Variants in TSGA10 observed in about 807,000 individuals in gnomAD.
TSGA10 encodes testis specific 10.
A neutral mutation model predicts 96.6 loss-of-function variants in TSGA10; 43 were observed. That is an observed-to-expected ratio of 0.44 (90% confidence interval 0.35 to 0.57). The LOEUF (loss-of-function observed/expected upper bound fraction) is 0.57, where lower values mean the gene tolerates loss of function less well. Among genes scored for constraint, TSGA10 ranks in the 20% least tolerant of loss-of-function variants. The pLI is 0.01. For synonymous variants in TSGA10, 229 were observed against 269.9 expected, an observed-to-expected ratio of 0.85 and a Z score of 1.48; for missense variants, 703 against 834.4, an observed-to-expected ratio of 0.84 and a Z score of 1.94.
intron 10 of TSGA10, among the ~76,000 whole-genome samples, chr2:99,082,793 A>G (rs1269897192): frequency 6.6e-6 from 1 of 152,220 alleles, no homozygotes; most frequent in Non-Finnish European, 1.5e-5. Flanking sequence ...AGCACTATCA[A>G]ATAGAAACTT....
At chr2:99,018,472 C>T in intron 19 of TSGA10, 64 bp downstream of exon 19, 2 of 1,577,980 alleles carry the variant, frequency 1.3e-6, no homozygotes, top group Admixed American at 1.8e-5. Context: ...CTCTTGTTAC[C>T]TAAGAAACAA....
chr2:99,132,932 A>C (rs1303161460), intron 1 of TSGA10, among the ~76,000 whole-genome samples: 1 of 152,150 alleles, frequency 6.6e-6, no homozygotes, highest in Non-Finnish European at 1.5e-5. Context: ...CCTGAGTTCT[A>C]ATTTGATTGC....
At position 99,127,154 on chromosome 2, in the gene TSGA10, A is replaced by C; in HGVS notation, c.-598T>G. 7.8e-7 allele frequency: 1 copy of C among 1,288,042 alleles called. No individual in the cohort carries two copies. The highest frequency in any genetic ancestry group is 1.0e-6 in the Non-Finnish European group (1 of 988,360). The allele number at this position is 1,288,042 out of a possible 1,614,324, so 79.8% of individuals were successfully genotyped here. A position where few individuals can be genotyped will look rare whatever the true frequency, so the allele number is the denominator to read the frequency against. On this transcript the variant is annotated 5_prime_UTR_variant, in exon 2 of 21. Transcript: ENST00000393483. ...TTCAGAAACTGGAGCCCCTAGACCA[A>C]AATCATATTCTTTGGTGGTAACCTA...
chr2:99,105,835 AAAT>A (rs2091286656), intron 7 of TSGA10, 138 bp from the exon 8 acceptor site: 1 of 513,106 alleles, frequency 1.9e-6, no homozygotes, highest in Admixed American at 3.4e-5. Context: ...TTTTATTTTA[AAAT>A]AAGCTTATAC....
chr2:99,111,823 G>A (rs1197053420), intron 4 of TSGA10, among the ~76,000 whole-genome samples: 2 of 151,994 alleles, frequency 1.3e-5, no homozygotes, highest in Admixed American at 1.3e-4. Context: ...AAAGATACAG[G>A]TCTACTCTGA....
intron 1 of TSGA10, among the ~76,000 whole-genome samples, chr2:99,153,954 C>T (rs2093721282): frequency 6.6e-6 from 1 of 152,214 alleles, no homozygotes; most frequent in South Asian, 2.1e-4. Context: ...AAGGTGACCA[C>T]AAATTCTTTG....
chr2:99,059,614 G>A (rs1428453692), intron 16 of TSGA10, among the ~76,000 whole-genome samples: 3 of 151,992 alleles, frequency 2.0e-5, no homozygotes, highest in South Asian at 4.2e-4. Context: ...ACACCAGCCT[G>A]GGCGACAGAG....
intron 20 of TSGA10, among the ~76,000 whole-genome samples, chr2:99,000,755 C>T (rs946908121): frequency 5.9e-5 from 9 of 151,844 alleles, no homozygotes; most frequent in Non-Finnish European, 2.9e-5. Flanking sequence ...TCCTAGTGCT[C>T]GGGACACTCC....
chr2:99,137,971 T>A (rs28526130), intron 1 of TSGA10, among the ~76,000 whole-genome samples: 1,847 of 151,746 alleles, frequency 0.012, 40 homozygotes, highest in African/African-American at 0.043. Flanking sequence ...TTCTAACATA[T>A]GAGGACAGAG....
intron 10 of TSGA10, among the ~76,000 whole-genome samples, chr2:99,094,276 C>A (rs1017726928): frequency 1.3e-5 from 2 of 152,070 alleles, no homozygotes; most frequent in African/African-American, 4.8e-5. Context: ...GCACTTAAAT[C>A]TAAGACCTGA....
chr2:99,141,536 C>T (rs1028575494), intron 1 of TSGA10: 2 of 132,236 alleles, frequency 1.5e-5, no homozygotes, highest in African/African-American at 5.1e-5. Context: ...AGGAGGGACC[C>T]CTTCCTGGCC....
chr2:99,133,529 C>T (rs375449761), intron 1 of TSGA10, among the ~76,000 whole-genome samples: 2 of 152,160 alleles, frequency 1.3e-5, no homozygotes, highest in Admixed American at 6.5e-5. Flanking sequence ...TGGGTCTTGA[C>T]TCTTTATCCA....
intron 20 of TSGA10, among the ~76,000 whole-genome samples, chr2:99,017,700 G>A (rs907968249): frequency 1.3e-5 from 2 of 150,808 alleles, no homozygotes; most frequent in South Asian, 4.2e-4. Context: ...GGGAGGCGGA[G>A]CTTGCAGTGA....
intron 16 of TSGA10, among the ~76,000 whole-genome samples, chr2:99,062,864 T>C (rs953606136): frequency 3.9e-5 from 6 of 152,164 alleles, no homozygotes; most frequent in Non-Finnish European, 8.8e-5. Flanking sequence ...CCCAAAAAAA[T>C]AGAAATTTCC....
At chr2:99,047,254 G>C (rs1469657381) in intron 16 of TSGA10, among the ~76,000 whole-genome samples, 1 of 152,066 alleles carries the variant, frequency 6.6e-6, no homozygotes, top group Admixed American at 6.5e-5. Context: ...ACCAAAGACT[G>C]GCAGAGATAC....
intron 16 of TSGA10, among the ~76,000 whole-genome samples, chr2:99,035,829 C>T (rs1573688165): frequency 1.3e-5 from 2 of 152,152 alleles, no homozygotes; most frequent in South Asian, 4.1e-4. Context: ...AACAAAAATG[C>T]TAGCCACTGT....
At chr2:99,113,773 C>G (rs1422546713) in intron 4 of TSGA10, among the ~76,000 whole-genome samples, 1 of 152,044 alleles carries the variant, frequency 6.6e-6, no homozygotes, top group Non-Finnish European at 1.5e-5. Flanking sequence ...TCTTGAACTC[C>G]TGACCTGAAG....
intron 1 of TSGA10, among the ~76,000 whole-genome samples, chr2:99,149,823 G>A (rs1199356229): frequency 8.3e-6 from 1 of 119,908 alleles, no homozygotes; most frequent in Non-Finnish European, 1.6e-5. Flanking sequence ...ACAGAGTCTC[G>A]CTCTTGTCGC....
intron 10 of TSGA10, among the ~76,000 whole-genome samples, chr2:99,085,632 A>AAAAAAAAAAAAAAAAAAAT (rs2088210613): frequency 6.7e-6 from 1 of 150,162 alleles, no homozygotes; most frequent in Non-Finnish European, 1.5e-5. Context: ...AAAAAAAAAA[A>AAAAAAAAAAAAAAAAAAAT]AAGTTGTTTT....
Sources: gnomAD v4.1 joint callset for allele counts (sites outside exome capture counted in the v4.1 genomes callset) on GRCh38, gnomAD v4.1.1 for gene constraint, MANE v1.5 for transcripts, NCBI Gene and HGNC (gene_info 2026-07-23, HGNC 2026-07-21) for gene names.